Variants in MORC4 observed in about 807,000 individuals in gnomAD.
MORC4 encodes MORC family CW-type zinc finger 4.
In MORC4, 22 loss-of-function variants were observed where a neutral mutation model predicts 65.5. The observed-to-expected ratio is 0.34, with a 90% CI of 0.24 to 0.48. The LOEUF (loss-of-function observed/expected upper bound fraction) is 0.48. MORC4 is among the 20% of genes least tolerant of loss of function. The pLI is 0.99. For synonymous variants in MORC4, 267 were observed against 255.8 expected (o/e 1.04, Z -0.42); for missense variants, 624 against 703.0 (o/e 0.89, Z 1.27).
chrX:106,986,256 G>A, intron 3 of MORC4, 56 bp from the exon 4 acceptor site: 1 of 952,672 alleles, frequency 1.0e-6, no homozygotes. Context: ...AAGGTAAAAA[G>A]CATCCTAAGA....
At chrX:106,984,461 T>TTTTC (rs1327462467) in intron 5 of MORC4, among the ~76,000 whole-genome samples, 1 of 93,668 alleles carries the variant, frequency 1.1e-5, no homozygotes, top group African/African-American at 4.1e-5. Context: ...TGTTTTTCTT[T>TTTTC]TTTCTTTTTT....
chrX:106,985,061 G>A, intron 5 of MORC4, 35 bp downstream of exon 5: 1 of 1,096,357 alleles, frequency 9.1e-7, no homozygotes, highest in Non-Finnish European at 1.2e-6. Flanking sequence ...TACTACCTTT[G>A]TTTATTAGAA....
intron 9 of MORC4, among the ~76,000 whole-genome samples, chrX:106,970,277 G>A (rs1171824757): frequency 4.5e-5 from 5 of 111,869 alleles, no homozygotes; most frequent in African/African-American, 6.5e-5. Flanking sequence ...AAATTCAACA[G>A]CCTTCCATGC....
At position 106,985,135 on chromosome X, in the gene MORC4, C is replaced by T. The variant is rs755215424; in HGVS notation, c.635G>A (p.Gly212Asp). The T allele has an allele frequency of 4.2e-6, 5 of 1,202,762 alleles. No homozygotes were observed. The East Asian group carries it at 1.5e-4, about 36-fold the overall frequency. ...DLLAQFDAIPGKKGTRVLIWN... is the reference protein window; with the variant it reads ...DLLAQFDAIPDKKGTRVLIWN... ...AATGAGAACACGAGTGCCTTTTTTG[C>T]CTGGGATGGCATCAAACTGGGCCAG... is the stretch of plus-strand genomic sequence containing the variant. The change falls in exon 5 of 17, where the codon GGC becomes GAC. Residue 212 changes from glycine to aspartate, a missense_variant. By Grantham distance (94) the Gly-to-Asp change is moderately conservative (BLOSUM62 -1). Transcript: ENST00000355610.
chrX:106,941,571 G>T lies in MORC4; in HGVS notation c.2722C>A (p.Pro908Thr). The T allele has an allele frequency of 1.7e-6, 2 of 1,209,639 alleles. No individual in the cohort carries two copies. Among genetic ancestry groups the T allele is most frequent in the Non-Finnish European group, 2.2e-6 (2 of 893,777 alleles). ...CCGATCTCACGAAGCTCCAAGTGAG[G>T]GAGGACAGAAGTAAGGAGATAGCTG... ...HVSYLLTSVL[P>T]HLELREIGYD... Residue 908 changes from proline (P) to threonine (T), a missense_variant, in exon 17 of 17, where the codon CCT (proline) becomes ACT (threonine). Physicochemically the swap from Pro to Thr is conservative, Grantham distance 38. Coordinates refer to ENST00000355610, the MANE Select transcript of MORC4 (RefSeq NM_024657.5).
chrX:106,957,274 C>T (rs1209022830), intron 11 of MORC4, among the ~76,000 whole-genome samples: 2 of 111,481 alleles, frequency 1.8e-5, no homozygotes, highest in African/African-American at 6.5e-5. Context: ...ATATTATACT[C>T]AGTTTATAAA....
At chrX:106,967,315 C>A (rs1168280037) in intron 9 of MORC4, among the ~76,000 whole-genome samples, 1 of 111,731 alleles carries the variant, frequency 9.0e-6, no homozygotes, top group East Asian at 2.8e-4. Flanking sequence ...AGGTAGGTCC[C>A]CAACATCAAA....
At position 106,943,172 on chromosome X, in the gene MORC4, C is replaced by A; in HGVS notation, c.1719G>T (p.Val573=). 8.3e-7 allele frequency: 1 copy of A among 1,206,652 alleles called. No homozygotes were observed. Among genetic ancestry groups the A allele is most frequent in the Non-Finnish European group, 1.1e-6 (1 of 891,476 alleles). The stretch of plus-strand genomic sequence containing the variant: ...CATTCTGGAGCCTTCTTCGTTTCTC[C>A]ACCGGTTCTTCACCTAGGATCCATT... ...KYKWILGEEP[V]EKRRRLQNEM... is the part of the protein sequence containing the mutation. The change falls in exon 15 of 17, where the codon GTG becomes GTT. Residue 573 remains valine, a synonymous_variant. Transcript: ENST00000355610.
intron 2 of MORC4, among the ~76,000 whole-genome samples, chrX:106,994,364 A>G (rs993981669): frequency 5.4e-5 from 6 of 111,855 alleles, no homozygotes; most frequent in African/African-American, 2.0e-4. Flanking sequence ...AGCAAGACAG[A>G]GTCCTTCCCT....
intron 7 of MORC4, among the ~76,000 whole-genome samples, chrX:106,978,698 G>T (rs982367186): frequency 9.0e-6 from 1 of 110,764 alleles, no homozygotes; most frequent in Non-Finnish European, 1.9e-5. Context: ...TTTAAAAATT[G>T]ACAAATAATC....
chrX:106,950,929 G>A (rs771052963), intron 14 of MORC4, among the ~76,000 whole-genome samples: 1 of 112,096 alleles, frequency 8.9e-6, no homozygotes, highest in African/African-American at 3.2e-5. Context: ...TTCTTCCTGA[G>A]ATTTAGAAGA....
At chrX:106,986,831 A>C (rs1203790879) in intron 3 of MORC4, among the ~76,000 whole-genome samples, 1 of 111,713 alleles carries the variant, frequency 9.0e-6, no homozygotes, top group Non-Finnish European at 1.9e-5. Context: ...TCTGCCTCTG[A>C]ATATCAGCAA....
At chrX:106,946,497 T>C (rs1338051754) in intron 14 of MORC4, among the ~76,000 whole-genome samples, 1 of 112,561 alleles carries the variant, frequency 8.9e-6, no homozygotes, top group East Asian at 2.8e-4. Context: ...AATAGTCCAT[T>C]GTATGAATAG....
intron 14 of MORC4, among the ~76,000 whole-genome samples, chrX:106,951,633 T>C (rs1163367710): frequency 9.0e-6 from 1 of 111,337 alleles, no homozygotes; most frequent in Admixed American, 9.6e-5. Flanking sequence ...GCCTCCCAAG[T>C]GCTGGTATAA....
intron 3 of MORC4, among the ~76,000 whole-genome samples, chrX:106,992,308 G>T (rs1934998666): frequency 8.9e-6 from 1 of 112,373 alleles, no homozygotes; most frequent in Admixed American, 9.4e-5. Context: ...ACAACCACAT[G>T]AATTTGTTTT....
chrX:106,981,567 A>G, intron 5 of MORC4, 90 bp from the exon 6 acceptor site: 1 of 823,783 alleles, frequency 1.2e-6, no homozygotes, highest in South Asian at 2.8e-5. Context: ...AAAAAACAAT[A>G]TGAGCCAAAA....
chrX:106,999,912 G>T lies in MORC4; in HGVS notation c.58C>A (p.Arg20=). Residue 20 remains arginine, a synonymous_variant, in exon 1 of 17, where the codon CGG becomes AGG. Coordinates refer to ENST00000355610, the MANE Select transcript of MORC4 (RefSeq NM_024657.5). ...AAGGCCTGCGGGCCGCCGCCGGGCC[G>T]GGCCAGCCCGCAGCCCGGCGCGCCA... ...GPGAPGCGLA[R]PGGGPQAFGI... 1 of 833,348 alleles carries T rather than the reference G, an allele frequency of 1.2e-6. No homozygotes were observed. Among genetic ancestry groups the T allele is most frequent in the Non-Finnish European group, 1.4e-6 (1 of 690,332 alleles). The allele number at this position is 833,348 out of a possible 1,213,427, so 68.7% of individuals were successfully genotyped here. A position where few individuals can be genotyped will look rare whatever the true frequency, so the allele number is the denominator to read the frequency against.
At chrX:106,977,828 C>T (rs1430263998) in intron 8 of MORC4, among the ~76,000 whole-genome samples, 2 of 111,292 alleles carry the variant, frequency 1.8e-5, no homozygotes, top group Non-Finnish European at 3.8e-5. Flanking sequence ...TATTCTAATT[C>T]TGCCTCTTAT....
At chrX:106,985,623 A>C (rs1934853766) in intron 4 of MORC4, among the ~76,000 whole-genome samples, 1 of 110,985 alleles carries the variant, frequency 9.0e-6, no homozygotes, top group Admixed American at 9.6e-5. Context: ...CTATTATATA[A>C]GCTGATAAAT....
Sources: gnomAD v4.1 joint callset for allele counts (sites outside exome capture counted in the v4.1 genomes callset) on GRCh38, gnomAD v4.1.1 for gene constraint, MANE v1.5 for transcripts, NCBI Gene and HGNC (gene_info 2026-07-23, HGNC 2026-07-21) for gene names.